AGO4: variants seen among roughly 807,000 people sequenced by gnomAD.
The protein encoded by AGO4 is protein argonaute-4.
Under a neutral mutation model 104.7 loss-of-function variants are expected in AGO4, and 33 were observed. The ratio of observed to expected loss-of-function variants is 0.32; its 90% CI spans 0.24 to 0.42. AGO4 has a LOEUF of 0.42. Among genes scored for constraint, AGO4 ranks in the 10% least tolerant of loss-of-function variants. The pLI, the probability that AGO4 is intolerant of heterozygous loss-of-function variation, is 1.00. For missense variants in AGO4, 711 were observed against 1,083.4 expected (o/e 0.66, Z 4.83); for synonymous variants, 331 against 364.7 (o/e 0.91, Z 1.05).
chr1:35,829,309 G>GAAA (rs763135799), intron 7 of AGO4, among the ~76,000 whole-genome samples: 1 of 113,148 alleles, frequency 8.8e-6, no homozygotes, highest in African/African-American at 3.3e-5. Flanking sequence ...TTCTTTCTCA[G>GAAA]AAAAAAAAAA....
At chr1:35,853,447 TTTTG>T (rs764691505) in intron 17 of AGO4, 46 bp from the exon 18 acceptor site, 89 of 1,539,708 alleles carry the variant, frequency 5.8e-5, no homozygotes, top group East Asian at 5.5e-4. Flanking sequence ...GTTTTTGGTT[TTTTG>T]TTTGTTTGTT....
At chr1:35,833,218 G>T (rs968590285) in intron 11 of AGO4, among the ~76,000 whole-genome samples, 1 of 152,136 alleles carries the variant, frequency 6.6e-6, no homozygotes, top group Admixed American at 6.6e-5. Flanking sequence ...GGCAGAGGTT[G>T]CAGTGAGCCA....
chr1:35,843,982 G>A (rs915503770), intron 15 of AGO4, among the ~76,000 whole-genome samples: 1 of 152,088 alleles, frequency 6.6e-6, no homozygotes, highest in Non-Finnish European at 1.5e-5. Context: ...CAATCCACTT[G>A]CCCATTTATT....
intron 15 of AGO4, among the ~76,000 whole-genome samples, chr1:35,842,914 T>G (rs549103291): frequency 6.6e-6 from 1 of 152,234 alleles, no homozygotes; most frequent in Non-Finnish European, 1.5e-5. Flanking sequence ...TATTTTTTAA[T>G]GACTTTACTT....
chr1:35,839,019 C>T (rs955430487), intron 13 of AGO4, among the ~76,000 whole-genome samples: 1 of 151,954 alleles, frequency 6.6e-6, no homozygotes, highest in Non-Finnish European at 1.5e-5. Flanking sequence ...CTCACTTTGT[C>T]ACCCAGGCTG....
At chr1:35,817,324 G>T (rs1184855751) in intron 2 of AGO4, among the ~76,000 whole-genome samples, 1 of 151,982 alleles carries the variant, frequency 6.6e-6, no homozygotes, top group Non-Finnish European at 1.5e-5. Flanking sequence ...TACTAAAATA[G>T]GTGAAGACAT....
At chr1:35,835,404 T>C (rs1644288961) in intron 12 of AGO4, among the ~76,000 whole-genome samples, 1 of 152,062 alleles carries the variant, frequency 6.6e-6, no homozygotes, top group Non-Finnish European at 1.5e-5. Context: ...TCTACAGTTA[T>C]CTCTAGTACT....
At chr1:35,820,965 A>G (rs1643876010) in intron 2 of AGO4, among the ~76,000 whole-genome samples, 3 of 152,198 alleles carry the variant, frequency 2.0e-5, no homozygotes, top group African/African-American at 4.8e-5. Flanking sequence ...GAAGAAACAG[A>G]CAAGTGAAAG....
intron 12 of AGO4, among the ~76,000 whole-genome samples, chr1:35,834,463 C>G (rs1282999905): frequency 1.3e-5 from 2 of 152,128 alleles, no homozygotes; most frequent in Admixed American, 1.3e-4. Flanking sequence ...CCACAACCAG[C>G]CATATGGCCT....
At position 35,827,348 on chromosome 1, in the gene AGO4, C is replaced by T. The variant is rs900540318; in HGVS notation, c.848+513C>T. On this transcript the variant is annotated intron_variant, in intron 7 of 17. Coordinates refer to ENST00000373210, the MANE Select transcript of AGO4 (RefSeq NM_017629.4). ...CAGCCTGGCCAACATAGTGAAACCC[C>T]GTCTCTACTAAAAACTACAAAAATT... is the stretch of plus-strand genomic sequence containing the variant. Among the ~76,000 whole-genome samples the T allele has an allele frequency of 3.3e-5, 5 of 152,158 alleles. No homozygotes were observed. The South Asian group carries it at 6.2e-4, about 19-fold the overall frequency.
chr1:35,849,641 C>A, intron 15 of AGO4, among the ~76,000 whole-genome samples: 1 of 149,900 alleles, frequency 6.7e-6, no homozygotes, highest in South Asian at 2.1e-4. Context: ...GAGCTGTGAT[C>A]CTCCCAGTGC....
chr1:35,816,953 T>G lies in AGO4; in HGVS notation c.91T>G (p.Leu31Val), dbSNP rs1270490631. Residue 31 changes from leucine (L) to valine (V), a missense_variant, in exon 2 of 18, where the codon TTA becomes GTA. Leu to Val is a conservative substitution (Grantham distance 32). Around this residue, in one of 3 missense-constraint regions of AGO4, gnomAD observed 308 missense variants for 397.8 expected, o/e 0.77. Coordinates refer to ENST00000373210, the MANE Select transcript of AGO4 (RefSeq NM_017629.4). ...AACTGTTGGAAAACCAATTCGACTG[T>G]TAGCCAATCATTTTCAGGTTCAGAT... ...LGTVGKPIRL[L>V]ANHFQVQIPK... 10 of 1,613,990 alleles carry G rather than the reference T, an allele frequency of 6.2e-6. No individual in the cohort carries two copies. The highest frequency in any genetic ancestry group is 2.2e-5 in the East Asian group (1 of 44,902).
At chr1:35,831,278 A>G in intron 7 of AGO4, 149 bp from the exon 8 acceptor site, 1 of 721,736 alleles carries the variant, frequency 1.4e-6, no homozygotes, top group Non-Finnish European at 2.1e-6. Context: ...ATGAGAATCC[A>G]TTGAACCCGG....
chr1:35,824,762 C>G (rs1643970517), intron 3 of AGO4, among the ~76,000 whole-genome samples: 1 of 152,122 alleles, frequency 6.6e-6, no homozygotes, highest in Admixed American at 6.6e-5. Flanking sequence ...TATTGCACCA[C>G]TGCACTCCAG....
chr1:35,850,295 G>T, intron 16 of AGO4, 37 bp downstream of exon 16: 1 of 1,530,560 alleles, frequency 6.5e-7, no homozygotes, highest in South Asian at 1.1e-5. Flanking sequence ...TGACTTGATA[G>T]GGAGATGTTT....
intron 6 of AGO4, 46 bp from the exon 7 acceptor site, chr1:35,826,702 T>C (rs764754021): frequency 5.1e-5 from 77 of 1,499,252 alleles, no homozygotes; most frequent in Non-Finnish European, 6.8e-5. Context: ...TTTTTGCCAC[T>C]GTGATTTTAA....
upstream of AGO4, among the ~76,000 whole-genome samples, chr1:35,807,836 T>G (rs1489697955): frequency 6.6e-6 from 1 of 152,074 alleles, no homozygotes; most frequent in African/African-American, 2.4e-5. Flanking sequence ...AGTGGAAAAC[T>G]GAATCTGTGG....
chr1:35,822,011 C>G (rs114214135), intron 2 of AGO4, among the ~76,000 whole-genome samples: 1,557 of 152,088 alleles, frequency 0.01, 14 homozygotes, highest in Middle Eastern at 0.02. Flanking sequence ...CCTCAGCCCC[C>G]CAAGTACCCG....
rs564715638 is a variant in AGO4, at chr1:35,815,739, T to C, written c.20-1143T>C. ...AATTCTTTGTTGTGGGGGGCTATCT[T>C]ATGCATTGTAGAATGCGTAGCTGTA... is the stretch of plus-strand genomic sequence containing the variant. On this transcript the variant is annotated intron_variant, in intron 1 of 17. Transcript: ENST00000373210. Among the ~76,000 whole-genome samples, 14 of 152,318 alleles carry C rather than the reference T, an allele frequency of 9.2e-5. 1 individual carries two copies. The South Asian group carries it at 2.7e-3, about 29-fold the overall frequency.
Sources: allele counts gnomAD v4.1 joint callset (sites outside exome capture counted in the v4.1 genomes callset), GRCh38; gene constraint gnomAD v4.1.1; regional missense constraint gnomAD v4.1.1; transcripts MANE v1.5; gene names NCBI Gene and HGNC (gene_info 2026-07-23, HGNC 2026-07-21).